The following RAD51B variants were observed in gnomAD, a reference collection of about 807,000 sequenced individuals.
RAD51B encodes RAD51 paralog B, also known as DNA repair protein RAD51 homolog 2.
A neutral mutation model predicts 42.2 loss-of-function variants in RAD51B; 38 were observed. That is an observed-to-expected ratio of 0.90 (90% CI 0.70 to 1.18). The LOEUF (loss-of-function observed/expected upper bound fraction) is 1.18, where lower values mean the gene tolerates loss of function less well. RAD51B is among the 50% of genes most tolerant of loss of function. The pLI is 0.00. For missense variants in RAD51B, 373 were observed against 400.7 expected (o/e 0.93, Z 0.59); for synonymous variants, 154 against 145.2 (o/e 1.06, Z -0.43).
At chr14:68,534,000 G>T (rs942917386) in intron 10 of RAD51B, among the ~76,000 whole-genome samples, 6 of 152,052 alleles carry the variant, frequency 3.9e-5, no homozygotes, top group African/African-American at 1.5e-4. Context: ...AGAAAACAAG[G>T]ACATGCGAGG....
intron 7 of RAD51B, among the ~76,000 whole-genome samples, chr14:68,283,374 A>T (rs2081356374): frequency 6.6e-6 from 1 of 152,186 alleles, no homozygotes; most frequent in Non-Finnish European, 1.5e-5. Flanking sequence ...AGTGCAGCAG[A>T]AGGCTGGTAG....
At chr14:68,497,279 C>CA in intron 10 of RAD51B, 1 of 1,308,536 alleles carries the variant, frequency 7.6e-7, no homozygotes, top group Non-Finnish European at 9.9e-7. Context: ...ACTGTGTAGA[C>CA]TCAGCTTAAG....
At chr14:68,328,258 G>T (rs73272283) in intron 8 of RAD51B, among the ~76,000 whole-genome samples, 5,104 of 152,180 alleles carry the variant, frequency 0.034, 270 homozygotes, top group African/African-American at 0.1. Context: ...CTTAGGTTTT[G>T]CTCCCTGAAA....
intron 7 of RAD51B, among the ~76,000 whole-genome samples, chr14:68,059,328 T>A (rs2076531965): frequency 6.6e-6 from 1 of 152,234 alleles, no homozygotes; most frequent in Non-Finnish European, 1.5e-5. Flanking sequence ...AGTATGTAAC[T>A]GCATTACTTT....
intron 7 of RAD51B, chr14:67,887,422 G>T (rs1024316891): frequency 5.1e-6 from 2 of 393,090 alleles, no homozygotes; most frequent in Admixed American, 4.2e-5. Context: ...TTTGAGTCTG[G>T]AGTAGATTTA....
chr14:68,058,380 G>C (rs1980655), intron 7 of RAD51B, among the ~76,000 whole-genome samples: 3 of 151,862 alleles, frequency 2.0e-5, no homozygotes, highest in Non-Finnish European at 2.9e-5. Context: ...TAGGCAATAC[G>C]TGTACATTTT....
At chr14:68,155,284 C>T (rs1047476125) in intron 7 of RAD51B, among the ~76,000 whole-genome samples, 4 of 151,772 alleles carry the variant, frequency 2.6e-5, no homozygotes, top group African/African-American at 7.3e-5. Flanking sequence ...CTCCGCCTCC[C>T]GGGTTCACGC....
intron 4 of RAD51B, among the ~76,000 whole-genome samples, chr14:67,838,491 G>A (rs1255316854): frequency 6.6e-6 from 1 of 151,888 alleles, no homozygotes; most frequent in Admixed American, 6.6e-5. Context: ...CACCTAGGCT[G>A]GAGTGCAGTG....
downstream of RAD51B, among the ~76,000 whole-genome samples, chr14:68,479,137 T>A (rs965942587): frequency 6.6e-6 from 1 of 152,192 alleles, no homozygotes; most frequent in African/African-American, 2.4e-5. Flanking sequence ...TGTGACCATG[T>A]GTCTCCCTCT....
rs568155961 is a variant in RAD51B at position 68,528,578 on chromosome 14, G to A, written c.1036+60328G>A. ...CCAGTAAATGTCAGGAGGGTGGCAT[G>A]AAGAGCAAGAAAGAGAAAGCTCTGA... On this transcript the variant is annotated intron_variant, in intron 10 of 10. Transcript: ENST00000487270. 2.0e-4 allele frequency among the ~76,000 whole-genome samples: 31 copies of A among 152,326 alleles called. No homozygotes were observed. In the South Asian group the frequency reaches 2.7e-3, roughly 13 times the overall value.
intron 10 of RAD51B, among the ~76,000 whole-genome samples, chr14:68,510,880 T>C (rs530296132): frequency 6.6e-6 from 1 of 152,328 alleles, no homozygotes; most frequent in African/African-American, 2.4e-5. Flanking sequence ...CTACATAGCA[T>C]ACAAACCATG....
chr14:68,521,730 CTTCTT>C (rs1033914746), intron 10 of RAD51B, among the ~76,000 whole-genome samples: 3 of 152,326 alleles, frequency 2.0e-5, no homozygotes, highest in African/African-American at 7.2e-5. Flanking sequence ...CCTGCAGCAG[CTTCTT>C]TTCTTCCTCC....
At chr14:67,959,152 T>C (rs1215638624) in intron 7 of RAD51B, among the ~76,000 whole-genome samples, 1 of 152,244 alleles carries the variant, frequency 6.6e-6, no homozygotes, top group East Asian at 1.9e-4. Context: ...GGTTTATACA[T>C]ATAAAATAAT....
intron 9 of RAD51B, among the ~76,000 whole-genome samples, chr14:68,429,229 C>T (rs2084937458): frequency 6.6e-6 from 1 of 152,144 alleles, no homozygotes; most frequent in African/African-American, 2.4e-5. Context: ...GTACATGTGT[C>T]TTTATAGCAC....
chr14:67,835,758 C>A (rs950321546), intron 4 of RAD51B, among the ~76,000 whole-genome samples: 22 of 151,902 alleles, frequency 1.4e-4, no homozygotes, highest in African/African-American at 5.1e-4. Flanking sequence ...GTCCTAGCTA[C>A]TCAGGAGGCT....
chr14:68,092,180 A>G (rs972154260), intron 7 of RAD51B, among the ~76,000 whole-genome samples: 3 of 152,154 alleles, frequency 2.0e-5, no homozygotes, highest in African/African-American at 7.2e-5. Context: ...TTGGCAATGC[A>G]GGCTCTTTTT....
At position 68,201,702 on chromosome 14, in the gene RAD51B, G is replaced by A. The variant is rs566763743; in HGVS notation, c.757-90182G>A. Among the ~76,000 whole-genome samples the A allele has an allele frequency of 3.2e-4, 48 of 152,350 alleles. 1 individual carries two copies. In the South Asian group the frequency reaches 9.9e-3, roughly 32 times the overall value. On this transcript the variant is annotated intron_variant, in intron 7 of 10. Coordinates refer to ENST00000471583, the MANE Select transcript of RAD51B (RefSeq NM_133510.4). ...CAATCTTTTTTATATCAGTGATAAG[G>A]AGGAAGGATAGTGATGACTGTGGCC... is the stretch of plus-strand genomic sequence containing the variant.
chr14:67,838,372 G>A (rs1327799290), intron 4 of RAD51B, among the ~76,000 whole-genome samples: 2 of 152,106 alleles, frequency 1.3e-5, no homozygotes, highest in Non-Finnish European at 2.9e-5. Flanking sequence ...AATGTTAACG[G>A]TGGGTGGATG....
In RAD51B at chr14:68,594,580, C is replaced by T. The variant is rs561626209; in HGVS notation, c.1132C>T (p.His378Tyr). 4.1e-4 allele frequency: 529 copies of T among 1,301,178 alleles called. 3 individuals are homozygous for T. The South Asian group carries it at 5.5e-3, about 14-fold the overall frequency. 80.6% of individuals were successfully genotyped at this position (1,301,178 alleles called of 1,614,324 possible). A position where few individuals can be genotyped will look rare whatever the true frequency, so the allele number is the denominator to read the frequency against. ...TGAGCAGCTAGGACTACAGATGTGC[C>T]ACCATACCCAGCTAATTTTTTAATT... Residue 378 changes from histidine (H) to tyrosine (Y), a missense_variant, in exon 11 of 11, where the codon CAC becomes TAC. By Grantham distance (83) the His-to-Tyr change is moderately conservative (BLOSUM62 2). Transcript: ENST00000487270.
Sources: allele counts gnomAD v4.1 joint callset (sites outside exome capture counted in the v4.1 genomes callset), GRCh38; gene constraint gnomAD v4.1.1; transcripts MANE v1.5; gene names NCBI Gene and HGNC (gene_info 2026-07-23, HGNC 2026-07-21).